ZRSR2: variants seen among roughly 807,000 people sequenced by gnomAD.
ZRSR2 encodes U2 small nuclear ribonucleoprotein auxiliary factor 35 kDa subunit-related protein 2.
A neutral mutation model predicts 39.4 loss-of-function variants in ZRSR2; 3 were observed. That is an observed-to-expected ratio of 0.08 (90% CI 0.03 to 0.20). The LOEUF is 0.20. ZRSR2 is among the 10% of genes least tolerant of loss of function. The pLI, the probability that ZRSR2 is intolerant of heterozygous loss-of-function variation, is 1.00. For missense variants in ZRSR2, 256 were observed against 391.5 expected, an observed-to-expected ratio of 0.65 and a Z score of 2.92; for synonymous variants, 137 against 136.0, an observed-to-expected ratio of 1.01 and a Z score of -0.05.
intron 3 of ZRSR2, chrX:15,801,424 G>C: frequency 3.4e-6 from 1 of 293,081 alleles, no homozygotes; most frequent in Non-Finnish European, 6.6e-6. Flanking sequence ...GTAGAGATGG[G>C]GTTTCACCAT....
At chrX:15,800,596 G>C (rs1006277784) in intron 3 of ZRSR2, among the ~76,000 whole-genome samples, 3 of 112,000 alleles carry the variant, frequency 2.7e-5, no homozygotes, top group African/African-American at 9.8e-5. Context: ...TTAAGAAAGA[G>C]AAAAAGAAAG....
intron 7 of ZRSR2, among the ~76,000 whole-genome samples, chrX:15,814,878 T>C (rs1932939782): frequency 8.9e-6 from 1 of 112,286 alleles, no homozygotes; most frequent in Non-Finnish European, 1.9e-5. Flanking sequence ...ACAGATCAGA[T>C]TGAATTGCTT....
chrX:15,799,837 A>T, intron 2 of ZRSR2, 35 bp from the exon 3 acceptor site: 1 of 979,462 alleles, frequency 1.0e-6, no homozygotes, highest in Non-Finnish European at 1.4e-6. Flanking sequence ...AAGGATTTGC[A>T]GCACTCAGTT....
chrX:15,806,946 C>T (rs1015885845), intron 5 of ZRSR2, among the ~76,000 whole-genome samples: 2 of 111,748 alleles, frequency 1.8e-5, no homozygotes, highest in Admixed American at 9.5e-5. Context: ...GACAGATAGA[C>T]TGGCAACACT....
chrX:15,820,771 A>T (rs1002105732), intron 10 of ZRSR2, among the ~76,000 whole-genome samples: 2 of 112,214 alleles, frequency 1.8e-5, no homozygotes, highest in Admixed American at 9.5e-5. Flanking sequence ...TACCTTGCCC[A>T]TAGCATTTCC....
At chrX:15,818,554 T>C (rs1933026781) in intron 8 of ZRSR2, 33 bp from the exon 9 acceptor site, 2 of 1,176,180 alleles carry the variant, frequency 1.7e-6, no homozygotes. Flanking sequence ...TTTTCCTGAA[T>C]TTTTTATGAT....
intron 3 of ZRSR2, among the ~76,000 whole-genome samples, chrX:15,803,334 A>C (rs1373853773): frequency 9.0e-6 from 1 of 111,693 alleles, no homozygotes; most frequent in Non-Finnish European, 1.9e-5. Flanking sequence ...GAAAAGGTAG[A>C]TGCTGCTTTG....
At chrX:15,800,324 C>T (rs1302161906) in intron 3 of ZRSR2, among the ~76,000 whole-genome samples, 2 of 107,412 alleles carry the variant, frequency 1.9e-5, no homozygotes, top group Non-Finnish European at 3.8e-5. Context: ...GTAGCTGGGA[C>T]AACAGGTGTG....
chrX:15,818,458 A>G, intron 8 of ZRSR2, 129 bp from the exon 9 acceptor site: 1 of 536,175 alleles, frequency 1.9e-6, no homozygotes, highest in Non-Finnish European at 3.0e-6. Flanking sequence ...AGAGTCAGCT[A>G]GTATCTCTAT....
chrX:15,811,992 C>G (rs1410363671), intron 7 of ZRSR2, among the ~76,000 whole-genome samples: 3 of 111,175 alleles, frequency 2.7e-5, no homozygotes, highest in African/African-American at 9.8e-5. Flanking sequence ...TGCAGTGGCA[C>G]GATCTCCGCT....
In ZRSR2 at chrX:15,823,107, C is replaced by G; in HGVS notation, c.1314C>G (p.Gly438=). 8.3e-7 allele frequency: 1 copy of G among 1,205,874 alleles called. No individual in the cohort carries two copies. Among genetic ancestry groups the G allele is most frequent in the Non-Finnish European group, 1.1e-6 (1 of 892,464 alleles). ...DRSRDRSRGR[G]SRSRSRSRSR... ...GCAGGGACCGCAGCCGGGGCCGGGG[C>G]AGCCGGAGCCGGAGCCGGAGCCGGA... The change falls in exon 11 of 11, where the codon GGC becomes GGG. Residue 438 remains glycine, a synonymous_variant. Transcript: ENST00000307771.
chrX:15,790,666 G>A, intron 1 of ZRSR2, 130 bp downstream of exon 1: 1 of 922,474 alleles, frequency 1.1e-6, no homozygotes, highest in Non-Finnish European at 1.5e-6. Flanking sequence ...CCTTCCTGGT[G>A]CGCGCTCTGG....
At chrX:15,798,868 C>T (rs1932567639) in intron 2 of ZRSR2, among the ~76,000 whole-genome samples, 1 of 111,424 alleles carries the variant, frequency 9.0e-6, no homozygotes. Flanking sequence ...GTTGCACTCC[C>T]GGTGATGCTA....
intron 3 of ZRSR2, chrX:15,801,687 T>G (rs1356294426): frequency 8.9e-6 from 1 of 112,418 alleles, no homozygotes; most frequent in Non-Finnish European, 1.9e-5. Flanking sequence ...CTGTGATAGC[T>G]CTAGTTCTTA....
intron 7 of ZRSR2, among the ~76,000 whole-genome samples, chrX:15,815,007 A>G (rs1270923295): frequency 8.9e-6 from 1 of 112,123 alleles, no homozygotes; most frequent in Non-Finnish European, 1.9e-5. Flanking sequence ...CGCATGTGAC[A>G]TCTTCATGCC....
At chrX:15,795,272 C>T (rs1471782777) in intron 2 of ZRSR2, among the ~76,000 whole-genome samples, 1 of 110,702 alleles carries the variant, frequency 9.0e-6, no homozygotes, top group Non-Finnish European at 1.9e-5. Context: ...AATCTTTACA[C>T]ACTTTCTTGA....
intron 2 of ZRSR2, among the ~76,000 whole-genome samples, chrX:15,791,259 A>G (rs995749098): frequency 8.9e-6 from 1 of 112,175 alleles, no homozygotes; most frequent in Non-Finnish European, 1.9e-5. Flanking sequence ...AGTATCTAAT[A>G]TTACAGTTGC....
Position 15,790,930 on chromosome X carries a change from C to A in ZRSR2, c.42-4C>A, listed in dbSNP as rs181344792. The stretch of plus-strand genomic sequence containing the variant: ...ATCGTCGTGTATATGTCTTAATCTT[C>A]CAGCCACAAAAAGTACAGGGCCGCC... On this transcript the variant is annotated splice_polypyrimidine_tract_variant and splice_region_variant and intron_variant, in intron 1 of 10. Transcript: ENST00000307771. 6.0e-4 allele frequency: 719 copies of A among 1,208,037 alleles called. 9 individuals are homozygous for A. The East Asian group carries it at 0.016, about 27-fold the overall frequency.
At position 15,804,151 on chromosome X, in the gene ZRSR2, A is replaced by G; in HGVS notation, c.353A>G (p.Glu118Gly). 8.3e-7 allele frequency: 1 copy of G among 1,198,908 alleles called. No individual in the cohort carries two copies. Among genetic ancestry groups the G allele is most frequent in the African/African-American group, 1.7e-5 (1 of 57,161 alleles). The change falls in exon 5 of 11, where the codon GAG becomes GGG. Residue 118 changes from glutamate (E) to glycine (G), a missense_variant. Physicochemically the swap from Glu to Gly is moderately conservative, Grantham distance 98. Around this residue, in one of 3 missense-constraint regions of ZRSR2, gnomAD observed 87 missense variants for 111.7 expected, o/e 0.78. Coordinates refer to ENST00000307771, the MANE Select transcript of ZRSR2 (RefSeq NM_005089.4). ...KEQWEEQQRKEREEEEQKRQE... is the reference protein window; with the variant it reads ...KEQWEEQQRKGREEEEQKRQE... ...CAATGGGAAGAACAGCAGAGGAAAG[A>G]GAGAGAAGAGGAGGAGCAGAAACGA...
Sources: gnomAD v4.1 joint callset for allele counts (sites outside exome capture counted in the v4.1 genomes callset) on GRCh38, gnomAD v4.1.1 for gene constraint, gnomAD v4.1.1 regional missense constraint, MANE v1.5 for transcripts, NCBI Gene and HGNC (gene_info 2026-07-23, HGNC 2026-07-21) for gene names.